The following EML1 variants were observed in gnomAD, a reference collection of about 807,000 sequenced individuals.
EML1 encodes echinoderm microtubule-associated protein-like 1.
Under a neutral mutation model 110.4 loss-of-function variants are expected in EML1, and 27 were observed. The observed-to-expected ratio is 0.24, with a 90% CI of 0.18 to 0.34. The LOEUF (loss-of-function observed/expected upper bound fraction) is 0.34. EML1 is among the 10% of genes least tolerant of loss of function. The probability of loss-of-function intolerance (pLI) is 1.00; values close to 1 mark genes in which losing one functional copy is unlikely to be tolerated. For missense variants in EML1, 741 were observed against 1,030.9 expected, an observed-to-expected ratio of 0.72 and a Z score of 3.85; for synonymous variants, 344 against 385.8, an observed-to-expected ratio of 0.89 and a Z score of 1.27.
intron 3 of EML1, among the ~76,000 whole-genome samples, chr14:99,874,361 C>CA (rs1240421593): frequency 4.6e-5 from 7 of 152,164 alleles, no homozygotes; most frequent in Non-Finnish European, 2.9e-5. Context: ...CATTTCTATA[C>CA]AAAAAATACT....
intron 1 of EML1, among the ~76,000 whole-genome samples, chr14:99,810,048 C>T (rs1009043252): frequency 6.6e-6 from 1 of 152,212 alleles, no homozygotes; most frequent in East Asian, 1.9e-4. Flanking sequence ...GCGGCCCAGT[C>T]AGGGCACTGC....
chr14:99,876,770 C>G (rs1411286378), intron 3 of EML1, among the ~76,000 whole-genome samples: 2 of 152,200 alleles, frequency 1.3e-5, no homozygotes, highest in African/African-American at 4.8e-5. Flanking sequence ...TGCCCCTCCC[C>G]TCCTCCTTTT....
chr14:99,751,661 G>T lies in EML1; in HGVS notation c.28+13801G>T, dbSNP rs894241145. On this transcript the variant is annotated intron_variant, in intron 1 of 10. Coordinates refer to the EML1 transcript ENST00000554479. ...AAGGACCTCAGGGATGTGAAAGACC[G>T]GGCCATGGAGCTTCTGAGAAAAGGG... Among the ~76,000 whole-genome samples, 5 of 152,110 alleles carry T rather than the reference G, an allele frequency of 3.3e-5. No individual in the cohort carries two copies. The East Asian group carries it at 7.7e-4, about 23-fold the overall frequency.
chr14:99,815,804 G>A (rs2139728678), intron 1 of EML1, among the ~76,000 whole-genome samples: 1 of 152,222 alleles, frequency 6.6e-6, no homozygotes, highest in East Asian at 1.9e-4. Context: ...AAGGTAAATT[G>A]CGTCGGTGAC....
chr14:99,881,197 G>A (rs2059379094), intron 4 of EML1, among the ~76,000 whole-genome samples: 2 of 152,332 alleles, frequency 1.3e-5, no homozygotes, highest in Non-Finnish European at 1.5e-5. Context: ...GTGCATGTGA[G>A]TGAGAGTGCT....
At chr14:99,906,747 C>T (rs148069601) in intron 9 of EML1, 1,561 of 152,468 alleles carry the variant, frequency 0.01, 22 homozygotes, top group African/African-American at 0.035. Flanking sequence ...CTCTGACAAT[C>T]CCAACGTGGC....
chr14:99,822,701 C>T (rs1247909350), intron 1 of EML1, among the ~76,000 whole-genome samples: 2 of 152,092 alleles, frequency 1.3e-5, no homozygotes, highest in Non-Finnish European at 2.9e-5. Flanking sequence ...CAAGAAATGC[C>T]GTTTCTTTTT....
At chr14:99,812,980 T>C (rs1197391173) in intron 1 of EML1, among the ~76,000 whole-genome samples, 3 of 152,158 alleles carry the variant, frequency 2.0e-5, no homozygotes, top group African/African-American at 7.2e-5. Context: ...CTGTAAAAAA[T>C]CTGTTCCACA....
upstream of EML1, among the ~76,000 whole-genome samples, chr14:99,790,616 G>A (rs565558466): frequency 2.0e-5 from 3 of 152,262 alleles, no homozygotes; most frequent in East Asian, 5.8e-4. Context: ...GTATAAAACT[G>A]CAAAGTGGAA....
At chr14:99,799,864 G>T (rs1347352752) in intron 1 of EML1, among the ~76,000 whole-genome samples, 4 of 152,124 alleles carry the variant, frequency 2.6e-5, no homozygotes, top group Non-Finnish European at 5.9e-5. Flanking sequence ...AACTAGTAGC[G>T]TGAAAACCTT....
intron 1 of EML1, among the ~76,000 whole-genome samples, chr14:99,805,770 C>T (rs60826358): frequency 0.14 from 21,603 of 152,030 alleles, 1,750 homozygotes; most frequent in East Asian, 0.37. Flanking sequence ...GCCACTACAC[C>T]CAGCCCTAGA....
At chr14:99,809,414 A>C (rs578112126) in intron 1 of EML1, 55 of 265,454 alleles carry the variant, frequency 2.1e-4, no homozygotes, top group Non-Finnish European at 2.5e-4. Context: ...GAAGCTGCTG[A>C]CTTTGCAGTA....
chr14:99,879,054 T>C (rs1595422217), intron 4 of EML1, among the ~76,000 whole-genome samples: 1 of 152,362 alleles, frequency 6.6e-6, no homozygotes, highest in East Asian at 1.9e-4. Flanking sequence ...TGTAATTTTA[T>C]GATTTATCAG....
intron 1 of EML1, among the ~76,000 whole-genome samples, chr14:99,803,037 T>C (rs530261608): frequency 1.5e-4 from 23 of 152,238 alleles, no homozygotes; most frequent in Non-Finnish European, 3.4e-4. Context: ...ATCATGATTA[T>C]CCCAGAGGCC....
At chr14:99,796,949 G>T (rs2057788506) in intron 1 of EML1, among the ~76,000 whole-genome samples, 1 of 151,434 alleles carries the variant, frequency 6.6e-6, no homozygotes. Flanking sequence ...GAGAGTAATA[G>T]CTTTATTGAA....
chr14:99,935,905 C>A, intron 17 of EML1, 124 bp from the exon 18 acceptor site: 1 of 889,398 alleles, frequency 1.1e-6, no homozygotes, highest in Non-Finnish European at 1.7e-6. Context: ...AGATTTTTCT[C>A]TTGGAAATAA....
At chr14:99,887,240 C>A (rs932824144) in intron 4 of EML1, among the ~76,000 whole-genome samples, 1 of 152,214 alleles carries the variant, frequency 6.6e-6, no homozygotes, top group African/African-American at 2.4e-5. Flanking sequence ...CCATTCAGCT[C>A]AAGGGAGCAT....
chr14:99,901,350 T>G (rs534840209), intron 9 of EML1, among the ~76,000 whole-genome samples: 1 of 152,290 alleles, frequency 6.6e-6, no homozygotes, highest in African/African-American at 2.4e-5. Context: ...TTCACCTGCT[T>G]CTTTCAAGGG....
At chr14:99,809,738 G>C in intron 1 of EML1, 2 of 456,058 alleles carry the variant, frequency 4.4e-6, no homozygotes, top group Non-Finnish European at 8.8e-6. Context: ...TGATGGGTGG[G>C]GAGAACTCCT....
Sources: allele counts gnomAD v4.1 joint callset (sites outside exome capture counted in the v4.1 genomes callset), GRCh38; gene constraint gnomAD v4.1.1; transcripts MANE v1.5; gene names NCBI Gene and HGNC (gene_info 2026-07-23, HGNC 2026-07-21).